Variants in RFX7 observed in about 807,000 individuals in gnomAD.
RFX7 encodes the protein regulatory factor X7.
In RFX7, 26 loss-of-function variants were observed where a neutral mutation model predicts 111.8. The observed-to-expected ratio is 0.23, with a 90% confidence interval of 0.17 to 0.32. The LOEUF is 0.32. Among genes scored for constraint, RFX7 ranks in the 10% least tolerant of loss-of-function variants. The pLI is 1.00. For missense variants in RFX7, 1,573 were observed against 1,772.9 expected, an observed-to-expected ratio of 0.89 and a Z score of 2.02; for synonymous variants, 624 against 624.4, an observed-to-expected ratio of 1.00 and a Z score of 0.01.
Position 56,096,607 on chromosome 15 carries a change from C to G in RFX7, c.1121G>C (p.Arg374Thr), listed in dbSNP as rs569480894. 18 of 1,582,354 alleles carry G rather than the reference C, an allele frequency of 1.1e-5. No individual in the cohort carries two copies. Among genetic ancestry groups the G allele is most frequent in the African/African-American group, 4.0e-5 (3 of 74,542 alleles). The change falls in exon 10 of 10, where the codon AGG (arginine) becomes ACG (threonine). Residue 374 changes from arginine to threonine, a missense_variant. Transcript: ENST00000559447. ...VPSPIPVQRTRQLVTSPSPMS... is the reference protein window; with the variant it reads ...VPSPIPVQRTTQLVTSPSPMS... ...TGGACTCGGTGAAGTTACCAATTGC[C>G]TAGTCCGCTGGACCTGTTAAAAGAT...
At chr15:56,153,176 C>T (rs1263133551) in intron 3 of RFX7, among the ~76,000 whole-genome samples, 1 of 152,060 alleles carries the variant, frequency 6.6e-6, no homozygotes, top group Admixed American at 6.6e-5. Context: ...TTCTAAACAA[C>T]AGAAAAAGAG....
rs1460867278 is a variant in RFX7, at chr15:56,154,393, T to C, written c.196-9910A>G. Among the ~76,000 whole-genome samples, 3 of 144,770 alleles carry C rather than the reference T, an allele frequency of 2.1e-5. No individual in the cohort carries two copies. The Admixed American group carries it at 2.1e-4, about 10-fold the overall frequency. The allele number at this position is 144,770 out of a possible 152,430, so 95.0% of individuals were successfully genotyped here. A position where few individuals can be genotyped will look rare whatever the true frequency, so the allele number is the denominator to read the frequency against. ...CTGACTTCAAACTATACTACAAGGC[T>C]ACAGTAACCAAACAGCATGGTACTG... On this transcript the variant is annotated intron_variant, in intron 3 of 9. Coordinates refer to ENST00000559447, the MANE Select transcript of RFX7 (RefSeq NM_022841.7).
intron 7 of RFX7, 61 bp from the exon 8 acceptor site, chr15:56,101,627 T>C (rs1342735597): frequency 5.7e-6 from 8 of 1,399,454 alleles, no homozygotes; most frequent in Non-Finnish European, 8.0e-6. Context: ...AATTGAAGCA[T>C]GTTAAAGATA....
chr15:56,106,389 C>T (rs539463677), intron 5 of RFX7, among the ~76,000 whole-genome samples: 5 of 152,264 alleles, frequency 3.3e-5, no homozygotes, highest in African/African-American at 1.2e-4. Context: ...CAGAAGAAAA[C>T]TGCCTATGAT....
At chr15:56,100,113 T>C (rs1475240996) in intron 8 of RFX7, among the ~76,000 whole-genome samples, 2 of 152,236 alleles carry the variant, frequency 1.3e-5, no homozygotes, top group African/African-American at 4.8e-5. Context: ...AAGCTGGGCT[T>C]TGGAGACAGA....
At chr15:56,185,442 A>G (rs1328923029) in intron 2 of RFX7, among the ~76,000 whole-genome samples, 1 of 152,178 alleles carries the variant, frequency 6.6e-6, no homozygotes, top group Non-Finnish European at 1.5e-5. Context: ...TATGCTGTTT[A>G]AATAATTCAT....
In RFX7 at chr15:56,171,993, G is replaced by C. The variant is rs191805318; in HGVS notation, c.195+7277C>G. Among the ~76,000 whole-genome samples, 32 of 152,288 alleles carry C rather than the reference G, an allele frequency of 2.1e-4. No individual in the cohort carries two copies. The South Asian group carries it at 3.3e-3, about 16-fold the overall frequency. ...AGCAACAGACACCCTTGAAGGGTGT[G>C]AGAAGGAACGGCCTAAAATGTAACA... is the stretch of plus-strand genomic sequence containing the variant. On this transcript the variant is annotated intron_variant, in intron 3 of 9. Coordinates refer to ENST00000559447, the MANE Select transcript of RFX7 (RefSeq NM_022841.7).
intron 2 of RFX7, among the ~76,000 whole-genome samples, chr15:56,242,705 G>A (rs62044144): frequency 0.042 from 6,397 of 152,144 alleles, 184 homozygotes; most frequent in South Asian, 0.073. Flanking sequence ...ATATTCTTAC[G>A]CACAGTATCT....
intron 5 of RFX7, among the ~76,000 whole-genome samples, chr15:56,135,131 G>C (rs1211366556): frequency 6.6e-6 from 1 of 152,176 alleles, no homozygotes; most frequent in Non-Finnish European, 1.5e-5. Context: ...TATATACCCA[G>C]TAATGGGATG....
intron 2 of RFX7, among the ~76,000 whole-genome samples, chr15:56,184,193 A>ATTTTTTTTTTTTT (rs35880948): frequency 1.2e-5 from 1 of 80,734 alleles, no homozygotes; most frequent in Non-Finnish European, 2.3e-5. Flanking sequence ...CTAATTTTGT[A>ATTTTTTTTTTTTT]TTTTTTTTTT....
At position 56,101,471 on chromosome 15, in the gene RFX7, C is replaced by T. The variant is rs757438110; in HGVS notation, c.699G>A (p.Val233=). The change falls in exon 8 of 10, where the codon GTG becomes GTA. Residue 233 remains valine, a synonymous_variant. Transcript: ENST00000559447. ...CRLVCEWAQK[V]LSQPFDTVLE... ...AGACGGTGTCAAATGGTTGGCTTAACACTTTCTGGGCCCACTCACACACAA... is the reference window on the plus strand; with the variant it reads ...AGACGGTGTCAAATGGTTGGCTTAATACTTTCTGGGCCCACTCACACACAA... 7.2e-5 allele frequency: 116 copies of T among 1,613,488 alleles called. 1 individual carries two copies. Among genetic ancestry groups the T allele is most frequent in the Admixed American group, 2.5e-4 (15 of 59,936 alleles).
intron 2 of RFX7, among the ~76,000 whole-genome samples, chr15:56,221,303 T>C (rs1049361978): frequency 6.6e-6 from 1 of 152,232 alleles, no homozygotes; most frequent in Non-Finnish European, 1.5e-5. Flanking sequence ...ATTCTTCCTA[T>C]ACATGAGCAT....
At chr15:56,213,006 A>G (rs2043328057) in intron 2 of RFX7, among the ~76,000 whole-genome samples, 2 of 152,218 alleles carry the variant, frequency 1.3e-5, no homozygotes, top group African/African-American at 4.8e-5. Flanking sequence ...CAGCTATTAG[A>G]GAGTGTCAAT....
At chr15:56,122,358 C>T (rs1411800639) in intron 5 of RFX7, among the ~76,000 whole-genome samples, 1 of 152,098 alleles carries the variant, frequency 6.6e-6, no homozygotes, top group Non-Finnish European at 1.5e-5. Context: ...TGTTCTCTTC[C>T]CTTATTTTCT....
chr15:56,130,211 A>G (rs2042194458), intron 5 of RFX7, among the ~76,000 whole-genome samples: 1 of 152,188 alleles, frequency 6.6e-6, no homozygotes, highest in African/African-American at 2.4e-5. Context: ...AAAAATATTA[A>G]AAAGTTGAAT....
At position 56,087,652 on chromosome 15, in the gene RFX7, C is replaced by T. The variant is rs2041544866; in HGVS notation, c.*5693G>A. On this transcript the variant is annotated 3_prime_UTR_variant, in exon 10 of 10. Coordinates refer to ENST00000559447, the MANE Select transcript of RFX7 (RefSeq NM_022841.7). ...CTCAGCTAAAAATCAAGGACTTTTA[C>T]AGTAAAGAAGAAGGGGAGAATGCAT... The T allele has an allele frequency of 2.3e-6, 1 of 433,832 alleles. No individual in the cohort carries two copies. Among genetic ancestry groups the T allele is most frequent in the South Asian group, 1.7e-5 (1 of 60,090 alleles). 26.9% of individuals were successfully genotyped at this position (433,832 alleles called of 1,614,324 possible). A position where few individuals can be genotyped will look rare whatever the true frequency, so the allele number is the denominator to read the frequency against.
intron 3 of RFX7, among the ~76,000 whole-genome samples, chr15:56,163,445 G>A (rs940067974): frequency 6.6e-6 from 1 of 152,098 alleles, no homozygotes; most frequent in Non-Finnish European, 1.5e-5. Context: ...GACTTGGAAA[G>A]TTTAAAAATT....
chr15:56,143,996 T>C (rs2042435901), intron 4 of RFX7, among the ~76,000 whole-genome samples: 1 of 152,164 alleles, frequency 6.6e-6, no homozygotes, highest in Non-Finnish European at 1.5e-5. Flanking sequence ...ACAGGCAATT[T>C]CACTTTATTT....
Position 56,243,244 on chromosome 15 carries a change from A to G in RFX7, c.42T>C (p.Asp14=). The stretch of plus-strand genomic sequence containing the variant: ...CGCTGGGGGGAAGCTGCTGATGGGC[A>G]TCAGGCTGCTGTGGTGGCGGCTGTT... ...EQQQPPPQQP[D]AHQQLPPSAP... The change falls in exon 2 of 10, where the codon GAT becomes GAC. Residue 14 remains aspartate, a synonymous_variant. Transcript: ENST00000559447. 7.7e-7 allele frequency: 1 copy of G among 1,306,196 alleles called. No homozygotes were observed. The highest frequency in any genetic ancestry group is 1.0e-6 in the Non-Finnish European group (1 of 993,162). The allele number at this position is 1,306,196 out of a possible 1,614,324, so 80.9% of individuals were successfully genotyped here.
Sources: gnomAD v4.1 joint callset for allele counts (sites outside exome capture counted in the v4.1 genomes callset) on GRCh38, gnomAD v4.1.1 for gene constraint, MANE v1.5 for transcripts, NCBI Gene and HGNC (gene_info 2026-07-23, HGNC 2026-07-21) for gene names.